STK17B: variants seen among roughly 807,000 people sequenced by gnomAD.
STK17B encodes serine/threonine kinase 17b.
STK17B carries 21 observed loss-of-function variants against 42.0 expected under a neutral mutation model. The ratio of observed to expected loss-of-function variants is 0.50; its 90% CI spans 0.35 to 0.72. The LOEUF (loss-of-function observed/expected upper bound fraction) is 0.72. Among genes scored for constraint, STK17B ranks in the 30% least tolerant of loss-of-function variants. The probability of loss-of-function intolerance (pLI) is 0.00; values close to 1 mark genes in which losing one functional copy is unlikely to be tolerated. For synonymous variants in STK17B, 143 were observed against 148.4 expected (o/e 0.96, Z 0.26); for missense variants, 349 against 446.0 (o/e 0.78, Z 1.96).
chr2:196,174,302 A>G (rs1699979112), upstream of STK17B: 1 of 152,182 alleles, frequency 6.6e-6, no homozygotes, highest in Non-Finnish European at 1.5e-5. Context: ...CACTCACCAT[A>G]TTCTGTCCAG....
intron 3 of STK17B, 197 bp downstream of exon 3, chr2:196,156,242 T>G: frequency 2.0e-6 from 1 of 488,896 alleles, no homozygotes; most frequent in South Asian, 3.3e-5. Flanking sequence ...GCTTATTCTG[T>G]GCTGTTAGTT....
intron 1 of STK17B, among the ~76,000 whole-genome samples, chr2:196,168,362 G>T (rs1699896239): frequency 1.3e-5 from 2 of 152,248 alleles, no homozygotes; most frequent in Admixed American, 1.3e-4. Flanking sequence ...CGGAAATAGA[G>T]TGGGGGATTC....
At chr2:196,158,878 G>A (rs1699774524) in intron 2 of STK17B, among the ~76,000 whole-genome samples, 1 of 151,918 alleles carries the variant, frequency 6.6e-6, no homozygotes, top group Non-Finnish European at 1.5e-5. Context: ...GGGCTTGGTG[G>A]CACATGCCTG....
At chr2:196,173,323 G>A (rs1170526188), upstream of STK17B, among the ~76,000 whole-genome samples, 1 of 152,148 alleles carries the variant, frequency 6.6e-6, no homozygotes, top group Non-Finnish European at 1.5e-5. Context: ...CCCTCTTCAG[G>A]AATCAGAACT....
At position 196,137,418 on chromosome 2, in the gene STK17B, T is replaced by A. The variant is rs746819418; in HGVS notation, c.*29A>T. The A allele has an allele frequency of 1.3e-6, 2 of 1,594,526 alleles. No individual in the cohort carries two copies. Among genetic ancestry groups the A allele is most frequent in the Admixed American group, 3.5e-5 (2 of 56,576 alleles). ...CTGGAGTGGATATAAAATTTCAAAT[T>A]CAGTCCAAATGAGTCAAAGAAAAAA... On this transcript the variant is annotated 3_prime_UTR_variant, in exon 8 of 8. Coordinates refer to ENST00000263955, the MANE Select transcript of STK17B (RefSeq NM_004226.4).
chr2:196,157,518 T>C (rs1699755429), intron 2 of STK17B, among the ~76,000 whole-genome samples: 1 of 152,234 alleles, frequency 6.6e-6, no homozygotes, highest in Admixed American at 6.5e-5. Flanking sequence ...ACTATCACAA[T>C]TGTCAATTGT....
At chr2:196,164,109 C>T (rs770958511) in intron 1 of STK17B, among the ~76,000 whole-genome samples, 6 of 151,140 alleles carry the variant, frequency 4.0e-5, no homozygotes, top group African/African-American at 9.7e-5. Flanking sequence ...TAATTTAATA[C>T]GACAAGATAA....
intron 2 of STK17B, among the ~76,000 whole-genome samples, chr2:196,157,526 T>C (rs562748220): frequency 6.6e-6 from 1 of 152,356 alleles, no homozygotes; most frequent in East Asian, 1.9e-4. Context: ...AATTGTCAAT[T>C]GTTTTAGCAA....
chr2:196,163,348 T>C lies in STK17B; in HGVS notation c.36A>G (p.Ser12=), dbSNP rs577318268. Residue 12 remains serine, a synonymous_variant, in exon 2 of 8, where the codon TCA becomes TCG. Coordinates refer to ENST00000263955, the MANE Select transcript of STK17B (RefSeq NM_004226.4). ...TTTGAGGAGTTGTAGTTAGTAGGCC[T>C]GAAATACTTCGGCAATCAAATCTCC... ...SRRRFDCRSI[S]GLLTTTPQIP... 108 of 1,601,274 alleles carry C rather than the reference T, an allele frequency of 6.7e-5. No individual in the cohort carries two copies. Among genetic ancestry groups the C allele is most frequent in the Middle Eastern group, 2.1e-4 (1 of 4,830 alleles).
intron 3 of STK17B, 23 bp from the exon 4 acceptor site, chr2:196,146,078 G>C: frequency 6.4e-7 from 1 of 1,559,430 alleles, no homozygotes; most frequent in East Asian, 2.3e-5. Flanking sequence ...TCAAAGAACA[G>C]AGACTTGAAA....
At position 196,139,090 on chromosome 2, in the gene STK17B, A is replaced by C. The variant is rs190484023; in HGVS notation, c.836+530T>G. 4.3e-4 allele frequency among the ~76,000 whole-genome samples: 66 copies of C among 152,112 alleles called. 2 individuals carry two copies. Among genetic ancestry groups the C allele is most frequent in the African/African-American group, 1.6e-3 (66 of 41,494 alleles). Reference sequence around the variant, plus strand: ...CACGCCATTCTGCCTCAGCCTCCCAAGTAGCTGGGACTACAGATGCCTGCC... The same window carrying C: ...CACGCCATTCTGCCTCAGCCTCCCACGTAGCTGGGACTACAGATGCCTGCC... On this transcript the variant is annotated intron_variant, in intron 7 of 7. Transcript: ENST00000263955.
chr2:196,141,584 G>A (rs559532207), intron 5 of STK17B, among the ~76,000 whole-genome samples: 5 of 152,254 alleles, frequency 3.3e-5, no homozygotes, highest in Middle Eastern at 3.4e-3. Context: ...CCTTGAACCC[G>A]GGAGGCATAG....
chr2:196,162,662 C>T (rs985181925), intron 2 of STK17B, among the ~76,000 whole-genome samples: 8 of 152,002 alleles, frequency 5.3e-5, no homozygotes, highest in African/African-American at 1.5e-4. Flanking sequence ...CTTTGGGAGG[C>T]CACGGCCAGA....
rs1575189246 is a variant in STK17B, at chr2:196,169,279, T to C, written c.-45+2054A>G. On this transcript the variant is annotated intron_variant, in intron 1 of 7. Transcript: ENST00000263955. ...TTAGTAGACACGGGGTTTCACCATA[T>C]TGGTCTCGAACGCCTGACCTTATGA... is the stretch of plus-strand genomic sequence containing the variant. Among the ~76,000 whole-genome samples, 3 of 152,116 alleles carry C rather than the reference T, an allele frequency of 2.0e-5. No individual in the cohort carries two copies. In the Middle Eastern group the frequency reaches 0.01, roughly 517 times the overall value.
chr2:196,148,099 G>A (rs1220763493), intron 3 of STK17B, among the ~76,000 whole-genome samples: 3 of 152,102 alleles, frequency 2.0e-5, no homozygotes, highest in African/African-American at 7.2e-5. Flanking sequence ...AGTGTAGTTT[G>A]CTATTAAATT....
chr2:196,170,855 T>C (rs1699930824), intron 1 of STK17B: 1 of 152,194 alleles, frequency 6.6e-6, no homozygotes, highest in African/African-American at 2.4e-5. Context: ...GAAAGGCAGC[T>C]GGGAGCAGGA....
In STK17B at chr2:196,137,416, A is replaced by G; in HGVS notation, c.*31T>C. 1 of 1,594,734 alleles carries G rather than the reference A, an allele frequency of 6.3e-7. No homozygotes were observed. Among genetic ancestry groups the G allele is most frequent in the Non-Finnish European group, 8.5e-7 (1 of 1,171,250 alleles). ...CACTGGAGTGGATATAAAATTTCAA[A>G]TTCAGTCCAAATGAGTCAAAGAAAA... On this transcript the variant is annotated 3_prime_UTR_variant, in exon 8 of 8. Transcript: ENST00000263955.
intron 5 of STK17B, 141 bp from the exon 6 acceptor site, chr2:196,141,438 T>G: frequency 1.6e-6 from 1 of 625,194 alleles, no homozygotes; most frequent in Non-Finnish European, 2.8e-6. Flanking sequence ...GGCAGGCAGA[T>G]CACCTGAGAT....
Position 196,137,382 on chromosome 2 carries a change from T to C in STK17B, c.*65A>G, listed in dbSNP as rs111547053. On this transcript the variant is annotated 3_prime_UTR_variant, in exon 8 of 8. Coordinates refer to ENST00000263955, the MANE Select transcript of STK17B (RefSeq NM_004226.4). Reference sequence around the variant, plus strand: ...AACATGTCATATATGAAGCTACAAATCATAATCTCACTGGAGTGGATATAA... The same window carrying C: ...AACATGTCATATATGAAGCTACAAACCATAATCTCACTGGAGTGGATATAA... The C allele has an allele frequency of 1.7e-5, 26 of 1,504,546 alleles. No homozygotes were observed. The African/African-American group carries it at 3.3e-4, about 19-fold the overall frequency. The allele number at this position is 1,504,546 out of a possible 1,614,324, so 93.2% of individuals were successfully genotyped here. A position where few individuals can be genotyped will look rare whatever the true frequency, so the allele number is the denominator to read the frequency against.
Sources: allele counts gnomAD v4.1 joint callset (sites outside exome capture counted in the v4.1 genomes callset), GRCh38; gene constraint gnomAD v4.1.1; transcripts MANE v1.5; gene names NCBI Gene and HGNC (gene_info 2026-07-23, HGNC 2026-07-21).